Variants in HDAC9 observed in about 807,000 individuals in gnomAD.
The protein encoded by HDAC9 is MEF-2 interacting transcription repressor (MITR) protein.
Under a neutral mutation model 139.4 loss-of-function variants are expected in HDAC9, and 41 were observed. The observed-to-expected ratio is 0.29, with a 90% CI of 0.23 to 0.38. The LOEUF (loss-of-function observed/expected upper bound fraction) is 0.38. Among genes scored for constraint, HDAC9 ranks in the 10% least tolerant of loss-of-function variants. The pLI is 1.00. For missense variants in HDAC9, 1,147 were observed against 1,297.0 expected (o/e 0.88, Z 1.78); for synonymous variants, 517 against 476.2 (o/e 1.09, Z -1.12).
chr7:18,589,851 A>C (rs996203426), intron 3 of HDAC9, among the ~76,000 whole-genome samples: 1 of 152,192 alleles, frequency 6.6e-6, no homozygotes, highest in Non-Finnish European at 1.5e-5. Context: ...GCATTTGTTT[A>C]CTTCAGGTAA....
At chr7:18,290,473 A>G (rs1213136214) in exon 1 of HDAC9, 1 of 456,556 alleles carries the variant, frequency 2.2e-6, no homozygotes, top group Admixed American at 2.4e-5. Context: ...AGTTTGCGAA[A>G]CCACAGCACA....
At chr7:18,568,095 C>G (rs1823062886) in intron 2 of HDAC9, among the ~76,000 whole-genome samples, 1 of 146,580 alleles carries the variant, frequency 6.8e-6, no homozygotes, top group African/African-American at 2.5e-5. Flanking sequence ...CAGATTGGAA[C>G]AGTCTATGTA....
intron 2 of HDAC9, among the ~76,000 whole-genome samples, chr7:18,567,840 A>G (rs1000068320): frequency 3.3e-5 from 5 of 151,884 alleles, no homozygotes; most frequent in African/African-American, 9.7e-5. Context: ...TGTTTCTTTA[A>G]AACCTCAAGG....
At chr7:18,117,156 G>A (rs925781339) in intron 1 of HDAC9, among the ~76,000 whole-genome samples, 1 of 152,042 alleles carries the variant, frequency 6.6e-6, no homozygotes, top group Non-Finnish European at 1.5e-5. Context: ...CAGTGAATGC[G>A]ACCTTATTTG....
At chr7:18,314,540 C>T (rs1333811609) in intron 1 of HDAC9, among the ~76,000 whole-genome samples, 1 of 152,094 alleles carries the variant, frequency 6.6e-6, no homozygotes, top group Admixed American at 6.6e-5. Flanking sequence ...TCTGTTGGTG[C>T]ATTGGCAAGA....
intron 17 of HDAC9, among the ~76,000 whole-genome samples, chr7:18,810,753 TAAATGGC>T (rs1325451872): frequency 6.6e-6 from 1 of 151,900 alleles, no homozygotes; most frequent in Non-Finnish European, 1.5e-5. Context: ...GAACTTTATA[TAAATGGC>T]AGTATAGAGT....
intron 1 of HDAC9, among the ~76,000 whole-genome samples, chr7:18,107,582 T>G (rs1313829737): frequency 2.0e-5 from 3 of 151,316 alleles, no homozygotes; most frequent in Non-Finnish European, 2.9e-5. Context: ...TCAAAAAGAG[T>G]AGAAGCAAAA....
chr7:18,238,537 A>G (rs1382584702), intron 2 of HDAC9, among the ~76,000 whole-genome samples: 1 of 152,198 alleles, frequency 6.6e-6, no homozygotes, highest in Non-Finnish European at 1.5e-5. Context: ...TCAGAGAAAG[A>G]TAGACCCTCT....
rs1290015272 is a variant in HDAC9 at position 18,907,898 on chromosome 7, TATC to T, written c.2804-27905_2804-27903del. ...GATCTGATTAAATTTATACCTCTGG[TATC>T]ATCATAATGTATTTTATTCTGTACA... On this transcript the variant is annotated intron_variant, in intron 22 of 25. Transcript: ENST00000686413. Among the ~76,000 whole-genome samples the T allele has an allele frequency of 2.0e-5, 3 of 152,208 alleles. No individual in the cohort carries two copies. The East Asian group carries it at 5.8e-4, about 29-fold the overall frequency.
intron 22 of HDAC9, among the ~76,000 whole-genome samples, chr7:18,904,626 G>T (rs1215284237): frequency 7.9e-6 from 1 of 126,994 alleles, no homozygotes; most frequent in African/African-American, 3.1e-5. Context: ...CTCCCAGGCT[G>T]AAGTGCAGTG....
intron 2 of HDAC9, among the ~76,000 whole-genome samples, chr7:18,203,885 A>G (rs1791308049): frequency 6.6e-6 from 1 of 152,200 alleles, no homozygotes; most frequent in South Asian, 2.1e-4. Context: ...GTAAAAGTAG[A>G]AGGAGCACTG....
chr7:18,817,384 C>A (rs2129195995), intron 17 of HDAC9, among the ~76,000 whole-genome samples: 1 of 152,156 alleles, frequency 6.6e-6, no homozygotes, highest in East Asian at 1.9e-4. Context: ...ATCACACACT[C>A]ATTCCCCCAA....
intron 1 of HDAC9, among the ~76,000 whole-genome samples, chr7:18,380,124 G>A (rs1785304052): frequency 6.6e-6 from 1 of 152,112 alleles, no homozygotes; most frequent in South Asian, 2.1e-4. Context: ...ACTTTAAAAG[G>A]CAGAGGCTCT....
intron 25 of HDAC9, among the ~76,000 whole-genome samples, chr7:18,983,795 T>A (rs1239892716): frequency 1.3e-5 from 2 of 152,172 alleles, no homozygotes; most frequent in Non-Finnish European, 2.9e-5. Context: ...ATTGTGGGTG[T>A]GGAGTGATAT....
intron 1 of HDAC9, among the ~76,000 whole-genome samples, chr7:18,339,509 A>G (rs1183881713): frequency 6.6e-6 from 1 of 151,470 alleles, no homozygotes; most frequent in African/African-American, 2.4e-5. Context: ...AGAATGTACT[A>G]TGTGAAGTAA....
intron 2 of HDAC9, among the ~76,000 whole-genome samples, chr7:18,513,896 T>G (rs567886783): frequency 1.6e-4 from 24 of 152,378 alleles, no homozygotes; most frequent in Admixed American, 1.4e-3. Flanking sequence ...TGTTTGATAC[T>G]GCTAGTTTAT....
chr7:18,322,093 A>G (rs534418554), intron 1 of HDAC9, among the ~76,000 whole-genome samples: 4 of 152,176 alleles, frequency 2.6e-5, no homozygotes, highest in African/African-American at 9.7e-5. Context: ...CCTGACAATA[A>G]CATTTAGAAC....
chr7:18,994,945 A>G (rs747059232), intron 25 of HDAC9, among the ~76,000 whole-genome samples: 13 of 152,342 alleles, frequency 8.5e-5, no homozygotes, highest in Non-Finnish European at 1.6e-4. Context: ...GAGAAGCATC[A>G]TCCAAATATT....
chr7:18,435,182 C>G (rs534157481), intron 1 of HDAC9, among the ~76,000 whole-genome samples: 5 of 150,714 alleles, frequency 3.3e-5, no homozygotes, highest in African/African-American at 1.2e-4. Flanking sequence ...CATATTCTTA[C>G]TTATACTTGG....
Sources: allele counts gnomAD v4.1 joint callset (sites outside exome capture counted in the v4.1 genomes callset), GRCh38; gene constraint gnomAD v4.1.1; transcripts MANE v1.5; gene names NCBI Gene and HGNC (gene_info 2026-07-23, HGNC 2026-07-21).